The following MED31 variants were observed in gnomAD, a reference collection of about 807,000 sequenced individuals.
MED31 encodes mediator of RNA polymerase II transcription subunit 31.
A neutral mutation model predicts 22.0 loss-of-function variants in MED31; 11 were observed. That is an observed-to-expected ratio of 0.50 (90% CI 0.31 to 0.83). The LOEUF is 0.83. Among genes scored for constraint, MED31 ranks in the 40% least tolerant of loss-of-function variants. The pLI is 0.04. For missense variants in MED31, 122 were observed against 155.3 expected (o/e 0.79, Z 1.14); for synonymous variants, 60 against 55.1 (o/e 1.09, Z -0.40).
At chr17:6,650,494 G>A in intron 1 of MED31, 61 bp from the exon 2 acceptor site, 1 of 1,484,576 alleles carries the variant, frequency 6.7e-7, no homozygotes, top group Non-Finnish European at 9.3e-7. Flanking sequence ...ATACTGATTT[G>A]TAGTAAGGAA....
In MED31 at chr17:6,644,384, A is replaced by T. The variant is rs1446001726; in HGVS notation, c.*83T>A. ...GCTACCATAATAAAGGTAGATAGGA[A>T]GAGTTTTCATTTTTTTTGTCTTCAC... On this transcript the variant is annotated 3_prime_UTR_variant, in exon 4 of 4. Coordinates refer to ENST00000225728, the MANE Select transcript of MED31 (RefSeq NM_016060.3). The T allele has an allele frequency of 6.9e-7, 1 of 1,439,780 alleles. No homozygotes were observed. Among genetic ancestry groups the T allele is most frequent in the African/African-American group, 1.4e-5 (1 of 69,796 alleles). The allele number at this position is 1,439,780 out of a possible 1,614,324, so 89.2% of individuals were successfully genotyped here. A position where few individuals can be genotyped will look rare whatever the true frequency, so the allele number is the denominator to read the frequency against.
intron 3 of MED31, among the ~76,000 whole-genome samples, chr17:6,649,595 G>A (rs1005123870): frequency 6.6e-6 from 1 of 152,196 alleles, no homozygotes; most frequent in Non-Finnish European, 1.5e-5. Flanking sequence ...AGAAAAGGCA[G>A]GGCCAGATCG....
At position 6,650,096 on chromosome 17, in the gene MED31, A is replaced by C. The variant is rs916542853; in HGVS notation, c.107-18T>G. 1.3e-6 allele frequency: 2 copies of C among 1,576,104 alleles called. No individual in the cohort carries two copies. Among genetic ancestry groups the C allele is most frequent in the Non-Finnish European group, 1.7e-6 (2 of 1,168,516 alleles). On this transcript the variant is annotated intron_variant, in intron 2 of 3. Transcript: ENST00000225728. ...GGCAAGAACTGAAAAGCATTAAAAAAAAAAATCTGTAGGTCAAACCAATCC... is the reference window on the plus strand; with the variant it reads ...GGCAAGAACTGAAAAGCATTAAAAACAAAAATCTGTAGGTCAAACCAATCC...
At chr17:6,645,141 T>C (rs939687378) in intron 3 of MED31, among the ~76,000 whole-genome samples, 3 of 152,204 alleles carry the variant, frequency 2.0e-5, no homozygotes, top group African/African-American at 7.2e-5. Flanking sequence ...AAATTAGATA[T>C]ACTCTAGGAT....
At position 6,644,534 on chromosome 17, in the gene MED31, C is replaced by T. The variant is rs761168683; in HGVS notation, c.329G>A (p.Arg110Gln). The change falls in exon 4 of 4, where the codon CGG becomes CAG. Residue 110 changes from arginine to glutamine, a missense_variant. Coordinates refer to ENST00000225728, the MANE Select transcript of MED31 (RefSeq NM_016060.3). The stretch of plus-strand genomic sequence containing the variant: ...GGCTTGCTGAAGGCGCATCCGCTTC[C>T]GGGAATAGTGCTGCCAATGTAGAAT... Reference protein sequence around the residue: ...QQILHWQHYSRKRMRLQQALA... With the variant: ...QQILHWQHYSQKRMRLQQALA... 7 of 1,613,218 alleles carry T rather than the reference C, an allele frequency of 4.3e-6. No homozygotes were observed. The highest frequency in any genetic ancestry group is 4.5e-5 in the East Asian group (2 of 44,868).
chr17:6,647,647 C>G (rs1972782937), intron 3 of MED31, among the ~76,000 whole-genome samples: 2 of 152,228 alleles, frequency 1.3e-5, no homozygotes, highest in South Asian at 2.1e-4. Context: ...TATCCACACA[C>G]TAAAAATACA....
chr17:6,650,983 C>T (rs1483608627), intron 1 of MED31, among the ~76,000 whole-genome samples: 5 of 151,290 alleles, frequency 3.3e-5, no homozygotes, highest in Non-Finnish European at 2.9e-5. Flanking sequence ...TAGCCGGGAG[C>T]GGTGGCGGGC....
intron 1 of MED31, 150 bp downstream of exon 1, chr17:6,651,351 T>C (rs1972832944): frequency 9.4e-7 from 1 of 1,067,352 alleles, no homozygotes; most frequent in Non-Finnish European, 1.3e-6. Flanking sequence ...AAGAGTACCT[T>C]AGTCTTTCTA....
intron 1 of MED31, 44 bp downstream of exon 1, chr17:6,651,457 G>C (rs374660747): frequency 6.8e-6 from 11 of 1,613,408 alleles, no homozygotes; most frequent in Non-Finnish European, 8.5e-6. Flanking sequence ...CTGGGTCAAG[G>C]AGAGTTCCAT....
Position 6,644,414 on chromosome 17 carries a change from CAAAAG to C in MED31, c.*48_*52del. 4 of 1,494,432 alleles carry C rather than the reference CAAAAG, an allele frequency of 2.7e-6. No individual in the cohort carries two copies. Among genetic ancestry groups the C allele is most frequent in the Non-Finnish European group, 3.6e-6 (4 of 1,123,716 alleles). 92.6% of individuals were successfully genotyped at this position (1,494,432 alleles called of 1,614,324 possible). A position where few individuals can be genotyped will look rare whatever the true frequency, so the allele number is the denominator to read the frequency against. On this transcript the variant is annotated 3_prime_UTR_variant, in exon 4 of 4. Coordinates refer to ENST00000225728, the MANE Select transcript of MED31 (RefSeq NM_016060.3). ...TTTCATTTTTTTTGTCTTCACTGTA[CAAAAG>C]AAATACATTATATACATGTATTAAG... is the stretch of plus-strand genomic sequence containing the variant.
At chr17:6,645,214 T>C (rs1391047921) in intron 3 of MED31, among the ~76,000 whole-genome samples, 1 of 152,326 alleles carries the variant, frequency 6.6e-6, no homozygotes. Context: ...AAAGGAGTTA[T>C]AGACATGGAA....
At chr17:6,649,206 GTTTT>G (rs1025156859) in intron 3 of MED31, among the ~76,000 whole-genome samples, 1 of 16,254 alleles carries the variant, frequency 6.2e-5, no homozygotes, top group Non-Finnish European at 1.0e-4. Context: ...AGGTGGGTTG[GTTTT>G]TTTTGTTTTT....
chr17:6,644,114 A>G lies in MED31; in HGVS notation c.*353T>C, dbSNP rs1597631311. ...CCAGGAGATGGTCTTGCCCTACTATATGTCAGGAACAGCTAGCCTTAGAAT... is the reference window on the plus strand; with the variant it reads ...CCAGGAGATGGTCTTGCCCTACTATGTGTCAGGAACAGCTAGCCTTAGAAT... On this transcript the variant is annotated 3_prime_UTR_variant, in exon 4 of 4. Transcript: ENST00000225728. The G allele has an allele frequency of 4.8e-6, 2 of 415,772 alleles. No homozygotes were observed. Among genetic ancestry groups the G allele is most frequent in the Admixed American group, 4.0e-5 (1 of 24,928 alleles). The allele number at this position is 415,772 out of a possible 1,614,324, so 25.8% of individuals were successfully genotyped here.
At chr17:6,646,204 G>A (rs977421803) in intron 3 of MED31, among the ~76,000 whole-genome samples, 4 of 152,186 alleles carry the variant, frequency 2.6e-5, no homozygotes, top group African/African-American at 4.8e-5. Context: ...TGTAGATTAG[G>A]TAATAATATT....
intron 3 of MED31, among the ~76,000 whole-genome samples, chr17:6,645,777 ATAGAAT>A (rs796613268): frequency 1.3e-4 from 20 of 152,374 alleles, no homozygotes; most frequent in South Asian, 8.3e-4. Context: ...ATGCAGAATG[ATAGAAT>A]TAGAAAATCA....
Position 6,643,933 on chromosome 17 carries a change from C to A in MED31, c.*534G>T. On this transcript the variant is annotated 3_prime_UTR_variant, in exon 4 of 4. Transcript: ENST00000225728. ...AGTGATTCAGTGATTCTTAAAGCCA[C>A]CTTGCAAAGCAGGTAATACAGTTAT... is the stretch of plus-strand genomic sequence containing the variant. 1 of 394,504 alleles carries A rather than the reference C, an allele frequency of 2.5e-6. No individual in the cohort carries two copies. The highest frequency in any genetic ancestry group is 4.4e-5 in the Admixed American group (1 of 22,644). The allele number at this position is 394,504 out of a possible 1,614,324, so 24.4% of individuals were successfully genotyped here. A position where few individuals can be genotyped will look rare whatever the true frequency, so the allele number is the denominator to read the frequency against.
rs1163620731 is a variant in MED31 at position 6,644,375 on chromosome 17, T to C, written c.*92A>G. The C allele has an allele frequency of 2.1e-6, 3 of 1,407,852 alleles. No homozygotes were observed. The highest frequency in any genetic ancestry group is 2.9e-5 in the African/African-American group (2 of 69,062). 87.2% of individuals were successfully genotyped at this position (1,407,852 alleles called of 1,614,324 possible). A position where few individuals can be genotyped will look rare whatever the true frequency, so the allele number is the denominator to read the frequency against. ...GTTCTAGGGGCTACCATAATAAAGG[T>C]AGATAGGAAGAGTTTTCATTTTTTT... On this transcript the variant is annotated 3_prime_UTR_variant, in exon 4 of 4. Transcript: ENST00000225728.
At chr17:6,649,903 A>T (rs2079877278) in intron 3 of MED31, 79 bp downstream of exon 3, 1 of 1,333,974 alleles carries the variant, frequency 7.5e-7, no homozygotes, top group South Asian at 1.7e-5. Context: ...TTCCAAATAC[A>T]TTTTTGCCAA....
intron 1 of MED31, among the ~76,000 whole-genome samples, chr17:6,650,972 T>A (rs1004149025): frequency 1.3e-5 from 2 of 150,890 alleles, no homozygotes; most frequent in Non-Finnish European, 3.0e-5. Flanking sequence ...ACAAAAAAAA[T>A]TAGCCGGGAG....
Sources: allele counts gnomAD v4.1 joint callset (sites outside exome capture counted in the v4.1 genomes callset), GRCh38; gene constraint gnomAD v4.1.1; transcripts MANE v1.5; gene names NCBI Gene and HGNC (gene_info 2026-07-23, HGNC 2026-07-21).